SLC35D4: variants seen among roughly 807,000 people sequenced by gnomAD.
SLC35D4 encodes the protein UDP-N-acetylglucosamine transporter SLC35D4.
the SLC35D4 span, among the ~76,000 whole-genome samples, chr18:23,417,099 G>A: frequency 1.3e-5 from 2 of 151,990 alleles, no homozygotes; most frequent in African/African-American, 4.8e-5. Flanking sequence ...ACAATTAGCT[G>A]GGCATGGTAG....
chr18:23,382,892 C>T, the SLC35D4 span, among the ~76,000 whole-genome samples: 1 of 152,160 alleles, frequency 6.6e-6, no homozygotes, highest in Non-Finnish European at 1.5e-5. Flanking sequence ...TTTCCTCAGT[C>T]CCAGCAAGGC....
chr18:23,361,175 T>C, the SLC35D4 span, among the ~76,000 whole-genome samples: 24 of 144,338 alleles, frequency 1.7e-4, no homozygotes, highest in East Asian at 4.2e-3. Flanking sequence ...CCAAAAAGAA[T>C]TGAGCCCTGC....
chr18:23,330,471 G>A, the SLC35D4 span, among the ~76,000 whole-genome samples: 1 of 152,034 alleles, frequency 6.6e-6, no homozygotes, highest in Non-Finnish European at 1.5e-5. Context: ...ACAAGTTAAG[G>A]GGAAAGTTAT....
At chr18:23,436,172 C>T in the SLC35D4 span, among the ~76,000 whole-genome samples, 1 of 150,300 alleles carries the variant, frequency 6.7e-6, no homozygotes, top group African/African-American at 2.5e-5. Context: ...GAATTACAGG[C>T]GCCTGCCACC....
the SLC35D4 span, among the ~76,000 whole-genome samples, chr18:23,386,387 T>C: frequency 3.3e-5 from 5 of 152,028 alleles, no homozygotes; most frequent in Non-Finnish European, 5.9e-5. Flanking sequence ...ACTGGAGTGA[T>C]GCAGCCACAA....
chr18:23,378,601 A>C, the SLC35D4 span, among the ~76,000 whole-genome samples: 9 of 152,354 alleles, frequency 5.9e-5, no homozygotes, highest in East Asian at 1.3e-3. Flanking sequence ...TAATGAAATC[A>C]GACTTTTGTA....
At chr18:23,256,641 C>T in the SLC35D4 span, among the ~76,000 whole-genome samples, 2 of 151,932 alleles carry the variant, frequency 1.3e-5, no homozygotes, top group Non-Finnish European at 2.9e-5. Flanking sequence ...CCGCCACGCC[C>T]GGCTCATTTT....
chr18:23,409,489 T>C, the SLC35D4 span, among the ~76,000 whole-genome samples: 2 of 152,210 alleles, frequency 1.3e-5, no homozygotes, highest in African/African-American at 4.8e-5. Flanking sequence ...AATATACAGC[T>C]GGCCCTCTGT....
the SLC35D4 span, among the ~76,000 whole-genome samples, chr18:23,364,314 G>A: frequency 6.6e-6 from 1 of 151,840 alleles, no homozygotes; most frequent in Non-Finnish European, 1.5e-5. Context: ...TGGTTTGTTT[G>A]TTTTTAAAAA....
chr18:23,260,384 C>A, the SLC35D4 span: 1 of 152,244 alleles, frequency 6.6e-6, no homozygotes, highest in Non-Finnish European at 1.5e-5. Context: ...ACCTTAGTGA[C>A]GGGAGTAAGG....
At chr18:23,320,393 A>G in the SLC35D4 span, among the ~76,000 whole-genome samples, 5 of 152,282 alleles carry the variant, frequency 3.3e-5, 1 homozygote, top group South Asian at 1.0e-3. Flanking sequence ...GGATTGTCTC[A>G]TTATTTTATC....
chr18:23,388,683 T>C, the SLC35D4 span, among the ~76,000 whole-genome samples: 28 of 152,366 alleles, frequency 1.8e-4, no homozygotes, highest in East Asian at 4.0e-3. Flanking sequence ...CCAAATCTTA[T>C]GTCGAATTGT....
At chr18:23,357,407 G>T in the SLC35D4 span, among the ~76,000 whole-genome samples, 13 of 152,320 alleles carry the variant, frequency 8.5e-5, no homozygotes, top group South Asian at 2.7e-3. Flanking sequence ...CAAACAAGAA[G>T]TCAGGAGATT....
the SLC35D4 span, among the ~76,000 whole-genome samples, chr18:23,329,601 G>A: frequency 9.7e-4 from 148 of 152,338 alleles, no homozygotes; most frequent in African/African-American, 3.4e-3. Flanking sequence ...CTTTTACACT[G>A]TTGGTGGGAG....
chr18:23,393,194 C>T, the SLC35D4 span, among the ~76,000 whole-genome samples: 10 of 152,036 alleles, frequency 6.6e-5, no homozygotes, highest in South Asian at 8.3e-4. Context: ...GGATTATAGG[C>T]GTGAGCCACC....
chr18:23,422,323 T>C, the SLC35D4 span, among the ~76,000 whole-genome samples: 18 of 151,812 alleles, frequency 1.2e-4, no homozygotes, highest in African/African-American at 4.4e-4. Context: ...CATGCCTAAA[T>C]CATTACCCCG....
chr18:23,241,799 G>A, the SLC35D4 span, among the ~76,000 whole-genome samples: 54 of 152,222 alleles, frequency 3.5e-4, no homozygotes, highest in African/African-American at 1.2e-3. Flanking sequence ...GCCCCTCGTC[G>A]CCACAGTCAG....
At chr18:23,352,943 T>A in the SLC35D4 span, among the ~76,000 whole-genome samples, 2 of 152,114 alleles carry the variant, frequency 1.3e-5, no homozygotes, top group Admixed American at 6.5e-5. Context: ...GGCACAGCAG[T>A]GGATGGAGAT....
At chr18:23,247,747 G>T in the SLC35D4 span, among the ~76,000 whole-genome samples, 1 of 152,244 alleles carries the variant, frequency 6.6e-6, no homozygotes, top group East Asian at 1.9e-4. Context: ...GAGAAGCAGG[G>T]ACAAAAGCAA....
Sources: allele counts gnomAD v4.1 joint callset (sites outside exome capture counted in the v4.1 genomes callset), GRCh38; gene constraint gnomAD v4.1.1; transcripts MANE v1.5; gene names NCBI Gene and HGNC (gene_info 2026-07-23, HGNC 2026-07-21).